ROBO2: variants seen among roughly 807,000 people sequenced by gnomAD.
ROBO2 encodes the protein roundabout guidance receptor 2.
A neutral mutation model predicts 160.8 loss-of-function variants in ROBO2; 53 were observed. That is an observed-to-expected ratio of 0.33 (90% CI 0.26 to 0.41). The LOEUF (loss-of-function observed/expected upper bound fraction) is 0.41, where lower values mean the gene tolerates loss of function less well. ROBO2 is among the 10% of genes least tolerant of loss of function. The probability of loss-of-function intolerance (pLI) is 1.00; values close to 1 mark genes in which losing one functional copy is unlikely to be tolerated. For missense variants in ROBO2, 1,577 were observed against 1,722.4 expected (o/e 0.92, Z 1.49); for synonymous variants, 664 against 611.7 (o/e 1.09, Z -1.26).
In ROBO2 at chr3:77,173,671, T is replaced by A. The variant is rs80115422; in HGVS notation, c.388+75331T>A. Among the ~76,000 whole-genome samples, 48 of 152,274 alleles carry A rather than the reference T, an allele frequency of 3.2e-4. 2 individuals carry two copies. The East Asian group carries it at 8.9e-3, about 28-fold the overall frequency. On this transcript the variant is annotated intron_variant, in intron 2 of 25. Transcript: ENST00000461745. ...ATATGTGTGTTGTATAAATTTATTC[T>A]AAGGCATTATTCATATTTTAAAATT...
intron 1 of ROBO2, among the ~76,000 whole-genome samples, chr3:77,068,533 TTATC>T (rs1271113809): frequency 6.6e-6 from 1 of 152,112 alleles, no homozygotes; most frequent in African/African-American, 2.4e-5. Context: ...TGCCTAACTC[TTATC>T]TCTCACTAAC....
At chr3:76,331,773 A>G (rs2108033910) in intron 2 of ROBO2, among the ~76,000 whole-genome samples, 1 of 150,272 alleles carries the variant, frequency 6.7e-6, no homozygotes, top group East Asian at 2.0e-4. Flanking sequence ...AACTTCTGCC[A>G]CCCAGGTTCA....
At position 76,133,718 on chromosome 3, in the gene ROBO2, C is replaced by G. The variant is rs116956246; in HGVS notation, c.109+196116C>G. Among the ~76,000 whole-genome samples the G allele has an allele frequency of 9.8e-3, 1,491 of 152,210 alleles. 78 individuals carry two copies. In the East Asian group the frequency reaches 0.15, roughly 15 times the overall value. On this transcript the variant is annotated intron_variant, in intron 2 of 26. Coordinates refer to the ROBO2 transcript ENST00000487694. ...TCTGATGTTCGAAGGCAGGAAGCAC[C>G]CAGCATGGGAGAAAGATGGAGGTCA... is the stretch of plus-strand genomic sequence containing the variant.
chr3:76,000,945 C>T (rs557708099), intron 2 of ROBO2, among the ~76,000 whole-genome samples: 191 of 152,178 alleles, frequency 1.3e-3, no homozygotes, highest in African/African-American at 4.5e-3. Flanking sequence ...ATGATTTTGA[C>T]ACATATGGAT....
At chr3:76,330,962 CTCTA>C (rs1359646375) in intron 2 of ROBO2, among the ~76,000 whole-genome samples, 5 of 152,282 alleles carry the variant, frequency 3.3e-5, no homozygotes, top group Non-Finnish European at 4.4e-5. Flanking sequence ...GCTAAATGTG[CTCTA>C]TCTAAATCAT....
chr3:76,134,449 G>A (rs923649317), intron 2 of ROBO2, among the ~76,000 whole-genome samples: 10 of 152,092 alleles, frequency 6.6e-5, no homozygotes, highest in Admixed American at 1.3e-4. Flanking sequence ...ATGGCAAAAC[G>A]TAAGGGATTT....
At chr3:76,777,044 T>A (rs2062316956) in intron 2 of ROBO2, among the ~76,000 whole-genome samples, 4 of 151,062 alleles carry the variant, frequency 2.6e-5, no homozygotes, top group Admixed American at 1.3e-4. Context: ...TGCAATATAA[T>A]CCTTAATGTG....
chr3:77,647,877 G>A (rs558085714), exon 26 of ROBO2: 3 of 152,182 alleles, frequency 2.0e-5, no homozygotes, highest in South Asian at 2.1e-4. Flanking sequence ...TTGTCACGTC[G>A]TTATAACAAG....
At chr3:75,928,047 C>T (rs544843891) in intron 1 of ROBO2, among the ~76,000 whole-genome samples, 27 of 141,416 alleles carry the variant, frequency 1.9e-4, no homozygotes, top group African/African-American at 7.0e-4. Flanking sequence ...TGCAGGGGCG[C>T]GATCTCAGCT....
At chr3:77,178,184 G>T (rs2080342112) in intron 2 of ROBO2, among the ~76,000 whole-genome samples, 1 of 152,024 alleles carries the variant, frequency 6.6e-6, no homozygotes, top group Non-Finnish European at 1.5e-5. Flanking sequence ...TACAAGGTAG[G>T]ATAGATGAAG....
At chr3:76,113,841 G>A (rs973791816) in intron 2 of ROBO2, among the ~76,000 whole-genome samples, 7 of 152,088 alleles carry the variant, frequency 4.6e-5, no homozygotes, top group African/African-American at 7.2e-5. Flanking sequence ...ATGGCTTGGC[G>A]CACTCCCTGT....
chr3:76,620,684 G>C (rs1050948803), intron 2 of ROBO2, among the ~76,000 whole-genome samples: 4 of 152,052 alleles, frequency 2.6e-5, no homozygotes, highest in African/African-American at 7.2e-5. Context: ...GTACATATCT[G>C]TATAGCTATT....
intron 2 of ROBO2, among the ~76,000 whole-genome samples, chr3:76,994,945 C>CT (rs558816382): frequency 9.3e-4 from 140 of 149,864 alleles, no homozygotes; most frequent in African/African-American, 3.0e-3. Flanking sequence ...CATAGATTTA[C>CT]TTTTTTTTTT....
chr3:77,522,850 T>G lies in ROBO2; in HGVS notation c.882T>G (p.Ile294Met), dbSNP rs545942847. ...CAGATGAAGGCACCTATATGTGTAT[T>G]GCTGAGAATCGGGTTGGAAAAATGG... The change falls in exon 6 of 26, where the codon ATT (isoleucine) becomes ATG (methionine). Residue 294 changes from isoleucine (I) to methionine (M), a missense_variant. By Grantham distance (10) the Ile-to-Met change is conservative. This residue lies in a region of ROBO2 where 940 missense variants were observed against 1,135.5 expected (regional missense o/e 0.83). Coordinates refer to ENST00000461745, the Ensembl canonical transcript of ROBO2. 6.6e-5 allele frequency: 106 copies of G among 1,609,882 alleles called. 1 individual carries two copies. The South Asian group carries it at 1.1e-3, about 17-fold the overall frequency.
At chr3:76,338,793 A>G (rs1214529399) in intron 2 of ROBO2, among the ~76,000 whole-genome samples, 2 of 151,380 alleles carry the variant, frequency 1.3e-5, no homozygotes, top group Non-Finnish European at 2.9e-5. Flanking sequence ...TGATTAATAA[A>G]CATAATGAAA....
chr3:77,358,650 G>A (rs375830160), intron 2 of ROBO2, among the ~76,000 whole-genome samples: 18 of 152,184 alleles, frequency 1.2e-4, no homozygotes, highest in East Asian at 5.8e-4. Flanking sequence ...GTGCATCTAC[G>A]CAGGCCATGT....
chr3:77,035,383 C>A (rs2063569450), upstream of ROBO2, among the ~76,000 whole-genome samples: 1 of 151,698 alleles, frequency 6.6e-6, no homozygotes, highest in Admixed American at 6.6e-5. Flanking sequence ...TTTGTTTATT[C>A]AATAGTTATG....
chr3:77,591,966 A>C (rs564050369), intron 17 of ROBO2, among the ~76,000 whole-genome samples: 1 of 152,314 alleles, frequency 6.6e-6, no homozygotes, highest in East Asian at 1.9e-4. Context: ...AATTGTTCAT[A>C]GTTATTTGTA....
At chr3:76,725,599 C>T (rs1253356511) in intron 2 of ROBO2, among the ~76,000 whole-genome samples, 3 of 152,056 alleles carry the variant, frequency 2.0e-5, no homozygotes, top group Non-Finnish European at 4.4e-5. Flanking sequence ...CATACATGTT[C>T]CTGAAACTCA....
Sources: gnomAD v4.1 joint callset for allele counts (sites outside exome capture counted in the v4.1 genomes callset) on GRCh38, gnomAD v4.1.1 for gene constraint, gnomAD v4.1.1 regional missense constraint, MANE v1.5 for transcripts, NCBI Gene and HGNC (gene_info 2026-07-23, HGNC 2026-07-21) for gene names.